Variants in CALN1 observed in about 807,000 individuals in gnomAD.
The protein encoded by CALN1 is calcium-binding protein 8.
A neutral mutation model predicts 30.6 loss-of-function variants in CALN1; 17 were observed. The observed-to-expected ratio is 0.56, with a 90% CI of 0.38 to 0.83. The LOEUF (loss-of-function observed/expected upper bound fraction) is 0.83. Among genes scored for constraint, CALN1 ranks in the 40% least tolerant of loss-of-function variants. The pLI, the probability that CALN1 is intolerant of heterozygous loss-of-function variation, is 0.00. For synonymous variants in CALN1, 156 were observed against 131.4 expected, an observed-to-expected ratio of 1.19 and a Z score of -1.28; for missense variants, 291 against 354.9, an observed-to-expected ratio of 0.82 and a Z score of 1.45.
In CALN1 at chr7:71,779,886, G is replaced by T. The variant is rs552190510; in HGVS notation, c.*7889C>A. 1 of 152,148 alleles carries T rather than the reference G, an allele frequency of 6.6e-6. No individual in the cohort carries two copies. The highest frequency in any genetic ancestry group is 6.5e-5 in the Admixed American group (1 of 15,274). 9.4% of individuals were successfully genotyped at this position (152,148 alleles called of 1,614,324 possible). A position where few individuals can be genotyped will look rare whatever the true frequency, so the allele number is the denominator to read the frequency against. On this transcript the variant is annotated 3_prime_UTR_variant, in exon 7 of 7. Transcript: ENST00000395275. The stretch of plus-strand genomic sequence containing the variant: ...ATATGAGAGCTGCCAAGCTCCAATC[G>T]TCCTGGCCATGATCAATCCCCAGCT...
At chr7:71,982,853 A>G (rs1044264000) in intron 5 of CALN1, among the ~76,000 whole-genome samples, 2 of 152,154 alleles carry the variant, frequency 1.3e-5, no homozygotes, top group African/African-American at 4.8e-5. Flanking sequence ...GCATGGGTGA[A>G]TGCCGGCAGT....
intron 3 of CALN1, among the ~76,000 whole-genome samples, chr7:72,114,717 G>C (rs1807841449): frequency 6.6e-6 from 1 of 151,848 alleles, no homozygotes; most frequent in African/African-American, 2.4e-5. Context: ...GCTGGGGCTA[G>C]GCATGGCGGC....
At chr7:72,291,495 T>C (rs1236556169) in intron 2 of CALN1, among the ~76,000 whole-genome samples, 1 of 152,188 alleles carries the variant, frequency 6.6e-6, no homozygotes, top group East Asian at 1.9e-4. Context: ...ATTAATTCCT[T>C]AACTTAGAAG....
intron 3 of CALN1, among the ~76,000 whole-genome samples, chr7:72,154,234 A>T (rs1787487150): frequency 6.6e-6 from 1 of 152,014 alleles, no homozygotes; most frequent in Non-Finnish European, 1.5e-5. Flanking sequence ...AAATTAAAAA[A>T]AAAAAAATAG....
In CALN1 at chr7:71,782,765, TGAA is replaced by T. The variant is rs2115763082; in HGVS notation, c.*5007_*5009del. The T allele has an allele frequency of 6.6e-6, 1 of 152,196 alleles. No individual in the cohort carries two copies. Among genetic ancestry groups the T allele is most frequent in the South Asian group, 2.1e-4 (1 of 4,814 alleles). 9.4% of individuals were successfully genotyped at this position (152,196 alleles called of 1,614,324 possible). A position where few individuals can be genotyped will look rare whatever the true frequency, so the allele number is the denominator to read the frequency against. The stretch of plus-strand genomic sequence containing the variant: ...TCTTTTTTAAAATTATTTTTTGAGA[TGAA>T]GTTTTGCTCTGTTGCCCAGGCTGGA... On this transcript the variant is annotated 3_prime_UTR_variant, in exon 7 of 7. Transcript: ENST00000395275.
At chr7:71,799,450 TTTAG>T (rs199886231) in intron 6 of CALN1, among the ~76,000 whole-genome samples, 6,235 of 68,766 alleles carry the variant, frequency 0.091, 200 homozygotes, top group Middle Eastern at 0.18. Flanking sequence ...TATTTATTTA[TTTAG>T]TTAGTTAGTT....
intron 2 of CALN1, among the ~76,000 whole-genome samples, chr7:72,295,771 A>G (rs1358132472): frequency 3.3e-5 from 5 of 151,408 alleles, no homozygotes; most frequent in South Asian, 2.1e-4. Flanking sequence ...GGGCTGAGAC[A>G]ATGGGGTTTT....
chr7:72,227,842 T>G (rs1036339515), intron 3 of CALN1, among the ~76,000 whole-genome samples: 1 of 151,996 alleles, frequency 6.6e-6, no homozygotes, highest in East Asian at 1.9e-4. Flanking sequence ...AGATGAGAAG[T>G]AGAGGCACCA....
At chr7:72,318,242 GTTA>G (rs1442470045) in intron 2 of CALN1, among the ~76,000 whole-genome samples, 4 of 152,132 alleles carry the variant, frequency 2.6e-5, no homozygotes, top group African/African-American at 4.8e-5. Context: ...TTGATTTTAC[GTTA>G]TTTTCTCTTC....
At chr7:71,844,069 T>C (rs1041815327) in intron 5 of CALN1, among the ~76,000 whole-genome samples, 3 of 152,186 alleles carry the variant, frequency 2.0e-5, no homozygotes, top group Non-Finnish European at 4.4e-5. Flanking sequence ...GGGACAGTCA[T>C]GTCACTTTTG....
At chr7:72,057,943 G>A (rs930125041) in intron 4 of CALN1, among the ~76,000 whole-genome samples, 2 of 152,220 alleles carry the variant, frequency 1.3e-5, no homozygotes, top group African/African-American at 2.4e-5. Flanking sequence ...TACTGCAGCT[G>A]AATGCTGATA....
At chr7:71,893,613 C>T (rs1181034032) in intron 5 of CALN1, among the ~76,000 whole-genome samples, 2 of 151,922 alleles carry the variant, frequency 1.3e-5, no homozygotes, top group South Asian at 2.1e-4. Flanking sequence ...TTCACTTGAA[C>T]CTGAGAGGTA....
At chr7:72,459,625 C>CAAAAAAA in the CALN1 span, among the ~76,000 whole-genome samples, 1 of 44,460 alleles carries the variant, frequency 2.2e-5, no homozygotes, top group Non-Finnish European at 5.0e-5. Flanking sequence ...AACCCTGTCT[C>CAAAAAAA]AAAAAAAAAA....
At chr7:71,918,054 A>G (rs1279017681) in intron 5 of CALN1, among the ~76,000 whole-genome samples, 3 of 152,150 alleles carry the variant, frequency 2.0e-5, no homozygotes, top group African/African-American at 7.2e-5. Context: ...TTCCTCATCT[A>G]TAAAATTTGG....
At chr7:72,129,640 A>T (rs1809003160) in intron 3 of CALN1, among the ~76,000 whole-genome samples, 1 of 152,190 alleles carries the variant, frequency 6.6e-6, no homozygotes, top group Admixed American at 6.5e-5. Flanking sequence ...ATAATATAGG[A>T]AGAAGGAGGG....
At chr7:72,167,511 AT>A (rs1788611791) in intron 3 of CALN1, among the ~76,000 whole-genome samples, 1 of 152,002 alleles carries the variant, frequency 6.6e-6, no homozygotes. Flanking sequence ...TGCTCAGCTA[AT>A]TTTCGTAATT....
chr7:71,948,445 C>T lies in CALN1; in HGVS notation c.501+75212G>A, dbSNP rs192596615. On this transcript the variant is annotated intron_variant, in intron 5 of 6. Transcript: ENST00000395275. ...ACTGAGCTCCATTAGAATTTGGTTTCAGGCCGGGCACGATTGGCTTATGCC... is the reference window on the plus strand; with the variant it reads ...ACTGAGCTCCATTAGAATTTGGTTTTAGGCCGGGCACGATTGGCTTATGCC... 1.7e-4 allele frequency among the ~76,000 whole-genome samples: 26 copies of T among 152,128 alleles called. No individual in the cohort carries two copies. The East Asian group carries it at 5.0e-3, about 29-fold the overall frequency.
chr7:72,264,228 ACAAT>A (rs1470478303), intron 3 of CALN1, among the ~76,000 whole-genome samples: 2 of 152,144 alleles, frequency 1.3e-5, no homozygotes, highest in Non-Finnish European at 2.9e-5. Context: ...TCGCTCTGAA[ACAAT>A]CAATCTGCTT....
At chr7:72,061,176 G>T (rs1803621066) in intron 4 of CALN1, among the ~76,000 whole-genome samples, 1 of 152,142 alleles carries the variant, frequency 6.6e-6, no homozygotes, top group Non-Finnish European at 1.5e-5. Flanking sequence ...TTCTCTGGAG[G>T]ATTTAAAGAA....
Sources: gnomAD v4.1 joint callset for allele counts (sites outside exome capture counted in the v4.1 genomes callset) on GRCh38, gnomAD v4.1.1 for gene constraint, MANE v1.5 for transcripts, NCBI Gene and HGNC (gene_info 2026-07-23, HGNC 2026-07-21) for gene names.